Variants in BAALC observed in about 807,000 individuals in gnomAD.
The protein encoded by BAALC is BAALC binder of MAP3K1 and KLF4.
A neutral mutation model predicts 15.5 loss-of-function variants in BAALC; 9 were observed. That is an observed-to-expected ratio of 0.58 (90% CI 0.35 to 1.02). The LOEUF is 1.02. Among genes scored for constraint, BAALC ranks in the 50% least tolerant of loss-of-function variants. The pLI is 0.02. For synonymous variants in BAALC, 80 were observed against 74.6 expected (o/e 1.07, Z -0.37); for missense variants, 201 against 192.4 (o/e 1.04, Z -0.27).
At chr8:103,169,051 A>T (rs1174355144) in intron 1 of BAALC, among the ~76,000 whole-genome samples, 1 of 152,094 alleles carries the variant, frequency 6.6e-6, no homozygotes. Context: ...TGTGTCTTTT[A>T]AAAAAATCTC....
chr8:103,157,576 G>A (rs568813082), intron 1 of BAALC, among the ~76,000 whole-genome samples: 1 of 152,328 alleles, frequency 6.6e-6, no homozygotes, highest in South Asian at 2.1e-4. Flanking sequence ...GGGAGGCTGA[G>A]GCAGGAGGAT....
At chr8:103,215,893 A>G (rs984615606) in intron 2 of BAALC, among the ~76,000 whole-genome samples, 2 of 152,242 alleles carry the variant, frequency 1.3e-5, no homozygotes, top group Non-Finnish European at 2.9e-5. Flanking sequence ...AAGGTGGCAC[A>G]TCCATGTAAC....
intron 1 of BAALC, among the ~76,000 whole-genome samples, chr8:103,173,796 CAACTT>C (rs532575516): frequency 5.8e-4 from 88 of 152,318 alleles, no homozygotes; most frequent in African/African-American, 2.0e-3. Context: ...AAATATTACT[CAACTT>C]AAACCTTGAC....
chr8:103,219,892 A>G (rs1812640221), intron 2 of BAALC, among the ~76,000 whole-genome samples: 1 of 152,160 alleles, frequency 6.6e-6, no homozygotes, highest in Non-Finnish European at 1.5e-5. Flanking sequence ...ATCTTTTGGG[A>G]AGGAAGAGAG....
intron 1 of BAALC, among the ~76,000 whole-genome samples, chr8:103,196,735 T>A (rs4510824): frequency 0.27 from 40,568 of 152,016 alleles, 5,512 homozygotes; most frequent in East Asian, 0.37. Flanking sequence ...ACCTCCCTGG[T>A]ATTATTTCCC....
intron 1 of BAALC, among the ~76,000 whole-genome samples, chr8:103,203,677 T>A (rs183799149): frequency 2.6e-4 from 39 of 152,282 alleles, no homozygotes; most frequent in Non-Finnish European, 3.8e-4. Context: ...TGGAATTATA[T>A]AATATGTGGC....
intron 2 of BAALC, among the ~76,000 whole-genome samples, chr8:103,213,789 C>G (rs1194360298): frequency 6.6e-6 from 1 of 152,138 alleles, no homozygotes; most frequent in African/African-American, 2.4e-5. Context: ...TGCCCCACCC[C>G]CTTCAAAATC....
chr8:103,221,471 T>A (rs1194443413), intron 2 of BAALC, among the ~76,000 whole-genome samples: 1 of 152,116 alleles, frequency 6.6e-6, no homozygotes, highest in African/African-American at 2.4e-5. Context: ...ATACTTTTTT[T>A]TTTTTAAGCC....
chr8:103,222,357 A>T lies in BAALC; in HGVS notation c.328-5632A>T, dbSNP rs1158648123. Among the ~76,000 whole-genome samples the T allele has an allele frequency of 1.1e-4, 16 of 152,336 alleles. No homozygotes were observed. The East Asian group carries it at 3.1e-3, about 29-fold the overall frequency. On this transcript the variant is annotated intron_variant, in intron 2 of 2. Transcript: ENST00000309982. Reference sequence around the variant, plus strand: ...TGTGGGGCAATTTCAAGATATGTCAAGAAAATATATTTTGGGGTAAAACAT... The same window carrying T: ...TGTGGGGCAATTTCAAGATATGTCATGAAAATATATTTTGGGGTAAAACAT...
In BAALC at chr8:103,212,947, T is replaced by C. The variant is rs1335838818; in HGVS notation, c.189T>C (p.Asn63=). The stretch of plus-strand genomic sequence containing the variant: ...TGCTGGAAGATGGACTGCCCTCCAA[T>C]GGTGTGCCCCGATCTACAGCCCCAG... ...SGMLEDGLPS[N]GVPRSTAPGG... Residue 63 remains asparagine, a synonymous_variant, in exon 2 of 3, where the codon AAT becomes AAC. Transcript: ENST00000309982. 1.8e-5 allele frequency: 29 copies of C among 1,613,672 alleles called. No homozygotes were observed. Among genetic ancestry groups the C allele is most frequent in the Non-Finnish European group, 2.5e-5 (29 of 1,179,724 alleles).
chr8:103,163,315 C>T (rs1366130579), intron 1 of BAALC, among the ~76,000 whole-genome samples: 2 of 152,282 alleles, frequency 1.3e-5, no homozygotes, highest in East Asian at 3.9e-4. Flanking sequence ...AGAAGACTCA[C>T]CTGCTGCTGA....
chr8:103,164,569 C>T (rs531745602), intron 1 of BAALC, among the ~76,000 whole-genome samples: 2 of 152,332 alleles, frequency 1.3e-5, no homozygotes, highest in South Asian at 4.1e-4. Flanking sequence ...CTTGGCATGG[C>T]ATTCCAGGCC....
intron 1 of BAALC, among the ~76,000 whole-genome samples, chr8:103,149,477 A>G (rs979706859): frequency 1.3e-5 from 2 of 152,248 alleles, no homozygotes; most frequent in African/African-American, 4.8e-5. Context: ...TTTAAAAAGC[A>G]TAGAAAAAGC....
intron 1 of BAALC, among the ~76,000 whole-genome samples, chr8:103,190,045 TGTCAGAC>T (rs1811931457): frequency 6.6e-6 from 1 of 152,102 alleles, no homozygotes; most frequent in African/African-American, 2.4e-5. Flanking sequence ...CAGGGATTCG[TGTCAGAC>T]GTGATTATAG....
chr8:103,219,493 T>C (rs573206440), intron 2 of BAALC: 1 of 152,358 alleles, frequency 6.6e-6, no homozygotes, highest in South Asian at 2.1e-4. Flanking sequence ...TGTCTGATCT[T>C]CTATCTGAAG....
chr8:103,212,236 G>C (rs1812462394), intron 1 of BAALC, among the ~76,000 whole-genome samples: 1 of 152,120 alleles, frequency 6.6e-6, no homozygotes, highest in African/African-American at 2.4e-5. Context: ...CTCAAGGCCA[G>C]GAGTTCAAGA....
chr8:103,171,354 A>G (rs1027852023), intron 1 of BAALC, among the ~76,000 whole-genome samples: 2 of 150,778 alleles, frequency 1.3e-5, no homozygotes, highest in Non-Finnish European at 3.0e-5. Context: ...AGGAAAGAGC[A>G]AGGAAGGAAG....
chr8:103,152,073 C>T (rs1810998273), intron 1 of BAALC, among the ~76,000 whole-genome samples: 1 of 152,092 alleles, frequency 6.6e-6, no homozygotes, highest in Admixed American at 6.5e-5. Flanking sequence ...ACAATTCATT[C>T]TTCATGTCAT....
At chr8:103,217,362 C>T (rs377163097) in intron 2 of BAALC, among the ~76,000 whole-genome samples, 125 of 152,358 alleles carry the variant, frequency 8.2e-4, no homozygotes, top group Middle Eastern at 3.4e-3. Flanking sequence ...CTTCTGTCAG[C>T]AGAGCTACCT....
Sources: gnomAD v4.1 joint callset for allele counts (sites outside exome capture counted in the v4.1 genomes callset) on GRCh38, gnomAD v4.1.1 for gene constraint, MANE v1.5 for transcripts, NCBI Gene and HGNC (gene_info 2026-07-23, HGNC 2026-07-21) for gene names.